Variants in ARFGEF2 observed in about 807,000 individuals in gnomAD.
The protein encoded by ARFGEF2 is ARF guanine nucleotide exchange factor 2, also known as brefeldin A-inhibited guanine nucleotide-exchange protein 2.
In ARFGEF2, 74 loss-of-function variants were observed where a neutral mutation model predicts 219.9. That is an observed-to-expected ratio of 0.34 (90% CI 0.28 to 0.41). The LOEUF (loss-of-function observed/expected upper bound fraction) is 0.41. Among genes scored for constraint, ARFGEF2 ranks in the 10% least tolerant of loss-of-function variants. The probability of loss-of-function intolerance (pLI) is 1.00; values close to 1 mark genes in which losing one functional copy is unlikely to be tolerated. For missense variants in ARFGEF2, 1,743 were observed against 2,218.3 expected (o/e 0.79, Z 4.30); for synonymous variants, 733 against 799.2 (o/e 0.92, Z 1.40).
chr20:48,979,960 G>A (rs952431048), intron 14 of ARFGEF2, among the ~76,000 whole-genome samples: 23 of 151,526 alleles, frequency 1.5e-4, no homozygotes, highest in African/African-American at 5.6e-4. Flanking sequence ...TTTTTGAAGG[G>A]TTTTTTATGT....
chr20:48,982,827 G>T (rs1748399756), intron 14 of ARFGEF2, among the ~76,000 whole-genome samples: 1 of 152,244 alleles, frequency 6.6e-6, no homozygotes, highest in African/African-American at 2.4e-5. Context: ...ATCTCCTGGT[G>T]TGCCATTTGC....
intron 6 of ARFGEF2, among the ~76,000 whole-genome samples, chr20:48,960,547 G>A (rs1236623093): frequency 1.3e-5 from 2 of 151,362 alleles, no homozygotes; most frequent in Non-Finnish European, 2.9e-5. Context: ...GCAGTGGCAC[G>A]ATCACTGCTC....
At chr20:48,969,415 A>G (rs1397254276) in intron 9 of ARFGEF2, 138 bp downstream of exon 9, 1 of 1,489,596 alleles carries the variant, frequency 6.7e-7, no homozygotes, top group East Asian at 2.3e-5. Context: ...CGGTTTTACA[A>G]CTTTTCAGAC....
intron 36 of ARFGEF2, among the ~76,000 whole-genome samples, chr20:49,027,112 G>GT (rs2091608283): frequency 6.6e-6 from 1 of 151,156 alleles, no homozygotes; most frequent in Non-Finnish European, 1.5e-5. Context: ...TGGAGATGGA[G>GT]TCTCACTCTG....
At position 48,971,284 on chromosome 20, in the gene ARFGEF2, T is replaced by C; in HGVS notation, c.1355T>C (p.Phe452Ser). Residue 452 changes from phenylalanine to serine, a missense_variant, in exon 10 of 39, where the codon TTT becomes TCT. By Grantham distance (155) the Phe-to-Ser change is radical (BLOSUM62 -2). Coordinates refer to ENST00000371917, the MANE Select transcript of ARFGEF2 (RefSeq NM_006420.3). Reference sequence around the variant, plus strand: ...GGCGTCTCTTCAGTGCCTGATGTCTTTGAGCTCTCTCTTGCCATTTTTCTT... The same window carrying C: ...GGCGTCTCTTCAGTGCCTGATGTCTCTGAGCTCTCTCTTGCCATTTTTCTT... ...KNGVSSVPDVFELSLAIFLTL... is the reference protein window; with the variant it reads ...KNGVSSVPDVSELSLAIFLTL... The C allele has an allele frequency of 6.2e-7, 1 of 1,614,236 alleles. No individual in the cohort carries two copies. The highest frequency in any genetic ancestry group is 8.5e-7 in the Non-Finnish European group (1 of 1,180,048).
At chr20:48,979,988 C>T (rs550977089) in intron 14 of ARFGEF2, among the ~76,000 whole-genome samples, 18 of 151,688 alleles carry the variant, frequency 1.2e-4, no homozygotes, top group African/African-American at 4.4e-4. Flanking sequence ...TCCTTCAGTT[C>T]TGCTCTGATC....
chr20:48,994,858 T>C lies in ARFGEF2; in HGVS notation c.3121+260T>C, dbSNP rs528914321. On this transcript the variant is annotated intron_variant, in intron 22 of 38. Coordinates refer to ENST00000371917, the MANE Select transcript of ARFGEF2 (RefSeq NM_006420.3). ...ATCACTATATTGGGGAGAAAAACCA[T>C]TTGCTTTAAAATGTTCAGATCTCTA... is the stretch of plus-strand genomic sequence containing the variant. Among the ~76,000 whole-genome samples, 3 of 152,282 alleles carry C rather than the reference T, an allele frequency of 2.0e-5. No individual in the cohort carries two copies. The South Asian group carries it at 6.2e-4, about 32-fold the overall frequency.
At chr20:48,983,181 A>G (rs2091307376) in intron 14 of ARFGEF2, among the ~76,000 whole-genome samples, 1 of 152,198 alleles carries the variant, frequency 6.6e-6, no homozygotes, top group Non-Finnish European at 1.5e-5. Flanking sequence ...CCATTTTGAA[A>G]GTAATTGGTA....
At chr20:48,980,267 T>C (rs2091287026) in intron 14 of ARFGEF2, among the ~76,000 whole-genome samples, 1 of 152,242 alleles carries the variant, frequency 6.6e-6, no homozygotes, top group Non-Finnish European at 1.5e-5. Context: ...AGGAGGTTGT[T>C]CAGTTTCCAT....
At chr20:48,963,618 A>G (rs2091168539) in intron 6 of ARFGEF2, among the ~76,000 whole-genome samples, 1 of 152,238 alleles carries the variant, frequency 6.6e-6, no homozygotes, top group Non-Finnish European at 1.5e-5. Context: ...GTGTTCCACA[A>G]AGGGAACCTC....
At chr20:49,028,832 C>G (rs772668414) in intron 37 of ARFGEF2, among the ~76,000 whole-genome samples, 164 bp downstream of exon 37, 1 of 152,150 alleles carries the variant, frequency 6.6e-6, no homozygotes, top group South Asian at 2.1e-4. Context: ...TCTTAATGCC[C>G]TGAAGAGGGC....
At chr20:48,994,417 A>G in intron 21 of ARFGEF2, 34 bp from the exon 22 acceptor site, 1 of 1,613,116 alleles carries the variant, frequency 6.2e-7, no homozygotes, top group Non-Finnish European at 8.5e-7. Flanking sequence ...GCTGTAAGGT[A>G]GGAACTCATT....
intron 3 of ARFGEF2, among the ~76,000 whole-genome samples, chr20:48,946,219 C>T (rs1328610308): frequency 6.6e-6 from 1 of 152,176 alleles, no homozygotes; most frequent in Admixed American, 6.5e-5. Flanking sequence ...CTTGGCGCAG[C>T]AGTAGGAGTG....
At chr20:49,014,822 A>G (rs1301010159) in intron 30 of ARFGEF2, among the ~76,000 whole-genome samples, 1 of 152,202 alleles carries the variant, frequency 6.6e-6, no homozygotes, top group Non-Finnish European at 1.5e-5. Context: ...ATCTTTTTAA[A>G]TTTAAATATG....
At chr20:49,016,614 A>T (rs1236812986) in intron 31 of ARFGEF2, among the ~76,000 whole-genome samples, 199 bp downstream of exon 31, 1 of 152,136 alleles carries the variant, frequency 6.6e-6, no homozygotes, top group Non-Finnish European at 1.5e-5. Context: ...TAAAGATGGG[A>T]TATAGTTATT....
Position 48,988,674 on chromosome 20 carries a change from T to A in ARFGEF2, c.2533+12T>A, listed in dbSNP as rs377066357. On this transcript the variant is annotated intron_variant, in intron 18 of 38. Transcript: ENST00000371917. ...ATCTACTAAGCAGAGTAAGGTCTAA[T>A]GGCAAATTATTTCTTTTAGTTCTAA... 14 of 1,610,356 alleles carry A rather than the reference T, an allele frequency of 8.7e-6. No individual in the cohort carries two copies. Among genetic ancestry groups the A allele is most frequent in the Non-Finnish European group, 1.0e-5 (12 of 1,178,118 alleles).
intron 25 of ARFGEF2, among the ~76,000 whole-genome samples, chr20:49,003,041 C>G (rs1024998329): frequency 6.8e-6 from 1 of 147,164 alleles, no homozygotes; most frequent in African/African-American, 2.5e-5. Context: ...CATTTTGGCT[C>G]ACTACAACCT....
chr20:48,928,413 T>A (rs2090891936), intron 1 of ARFGEF2, among the ~76,000 whole-genome samples: 1 of 146,482 alleles, frequency 6.8e-6, no homozygotes. Context: ...TTAGCCAGGA[T>A]GGTCTCGATC....
intron 14 of ARFGEF2, among the ~76,000 whole-genome samples, chr20:48,980,391 T>A (rs963665244): frequency 7.2e-5 from 11 of 152,352 alleles, no homozygotes; most frequent in African/African-American, 2.4e-4. Context: ...TGAGGAGTGC[T>A]TTACTTCCAA....
Sources: allele counts gnomAD v4.1 joint callset (sites outside exome capture counted in the v4.1 genomes callset), GRCh38; gene constraint gnomAD v4.1.1; transcripts MANE v1.5; gene names NCBI Gene and HGNC (gene_info 2026-07-23, HGNC 2026-07-21).